DOCK8: variants seen among roughly 807,000 people sequenced by gnomAD.
DOCK8 encodes the protein dedicator of cytokinesis protein 8.
A neutral mutation model predicts 245.6 loss-of-function variants in DOCK8; 141 were observed. The ratio of observed to expected loss-of-function variants is 0.57; its 90% CI spans 0.50 to 0.66. The LOEUF is 0.66. Among genes scored for constraint, DOCK8 ranks in the 30% least tolerant of loss-of-function variants. DOCK8 has a pLI of 0.00. For missense variants in DOCK8, 2,965 were observed against 2,603.4 expected, an observed-to-expected ratio of 1.14 and a Z score of -3.02; for synonymous variants, 1,168 against 970.2, an observed-to-expected ratio of 1.20 and a Z score of -3.79.
At chr9:389,086 C>T (rs10973612) in intron 23 of DOCK8, among the ~76,000 whole-genome samples, 21 of 152,264 alleles carry the variant, frequency 1.4e-4, no homozygotes, top group Admixed American at 9.1e-4. Context: ...TCCCAGACAT[C>T]ATTTTTGGCA....
chr9:398,577 T>G (rs773025644), intron 25 of DOCK8, among the ~76,000 whole-genome samples: 4 of 152,140 alleles, frequency 2.6e-5, no homozygotes, highest in Non-Finnish European at 5.9e-5. Context: ...GCGTAGCTTA[T>G]TAATTGGGAT....
rs370735655 is a variant in DOCK8, at chr9:312,133, C to T, written c.708C>T (p.Ala236=). ...NEEARRTNRQ[A]ELFALYPSVD... Reference sequence around the variant, plus strand: ...AGGCCCGGAGGACCAATAGGCAGGCCGAGCTCTTTGCCCTTTACCCATCAG... The same window carrying T: ...AGGCCCGGAGGACCAATAGGCAGGCTGAGCTCTTTGCCCTTTACCCATCAG... The change falls in exon 6 of 48, where the codon GCC becomes GCT. Residue 236 remains alanine (A), a synonymous_variant. Transcript: ENST00000432829. 9.9e-6 allele frequency: 16 copies of T among 1,614,088 alleles called. No homozygotes were observed. The East Asian group carries it at 1.1e-4, about 11-fold the overall frequency.
At position 421,189 on chromosome 9, in the gene DOCK8, G is replaced by T. The variant is rs145719056; in HGVS notation, c.4153+111G>T. Reference sequence around the variant, plus strand: ...ACCATTACTTTCTTGAGATATTTACGGTAGTGTCAGAGACAGCGGATTCTG... The same window carrying T: ...ACCATTACTTTCTTGAGATATTTACTGTAGTGTCAGAGACAGCGGATTCTG... On this transcript the variant is annotated intron_variant, in intron 32 of 47. Transcript: ENST00000432829. The T allele has an allele frequency of 4.3e-5, 62 of 1,449,872 alleles. No individual in the cohort carries two copies. The East Asian group carries it at 5.5e-4, about 13-fold the overall frequency. The allele number at this position is 1,449,872 out of a possible 1,614,324, so 89.8% of individuals were successfully genotyped here.
chr9:369,224 G>A (rs747672103), intron 15 of DOCK8: 1 of 152,168 alleles, frequency 6.6e-6, no homozygotes, highest in Non-Finnish European at 1.5e-5. Flanking sequence ...AATGCAAGGT[G>A]TCTTAAGACA....
chr9:375,892 G>C (rs1411854092), intron 18 of DOCK8, among the ~76,000 whole-genome samples: 1 of 152,150 alleles, frequency 6.6e-6, no homozygotes, highest in Non-Finnish European at 1.5e-5. Flanking sequence ...CGCTACTCCA[G>C]AGACTGAGAC....
intron 1 of DOCK8, among the ~76,000 whole-genome samples, chr9:235,800 G>C (rs1359486314): frequency 2.0e-5 from 3 of 152,204 alleles, no homozygotes; most frequent in Admixed American, 2.0e-4. Flanking sequence ...GGTGCCGTCT[G>C]TCACCCTTTC....
At chr9:337,566 G>A (rs1476967251) in intron 12 of DOCK8, among the ~76,000 whole-genome samples, 2 of 152,150 alleles carry the variant, frequency 1.3e-5, no homozygotes, top group South Asian at 2.1e-4. Context: ...ACTGCTTGAT[G>A]TGCAAGTTTC....
At chr9:378,266 G>A (rs1468210438) in intron 20 of DOCK8, among the ~76,000 whole-genome samples, 1 of 152,216 alleles carries the variant, frequency 6.6e-6, no homozygotes, top group East Asian at 1.9e-4. Context: ...CCTTGAAGAA[G>A]GGATAGAGTG....
At position 341,580 on chromosome 9, in the gene DOCK8, A is replaced by T. The variant is rs548751336; in HGVS notation, c.1679+1259A>T. On this transcript the variant is annotated intron_variant, in intron 14 of 47. Coordinates refer to ENST00000432829, the MANE Select transcript of DOCK8 (RefSeq NM_203447.4). ...TTACCTCACCTCCTAGACTTTTATC[A>T]TCATGAAATTATGTATTTCCTATTT... 3.9e-5 allele frequency among the ~76,000 whole-genome samples: 6 copies of T among 152,304 alleles called. No homozygotes were observed. In the East Asian group the frequency reaches 1.2e-3, roughly 29 times the overall value.
chr9:400,638 C>T (rs1471229411), intron 26 of DOCK8, among the ~76,000 whole-genome samples: 1 of 106,550 alleles, frequency 9.4e-6, no homozygotes. Flanking sequence ...ACCACCACCT[C>T]CACCATCACC....
intron 1 of DOCK8, 29 bp downstream of exon 1, chr9:215,058 G>C (rs1488930499): frequency 1.3e-6 from 2 of 1,553,608 alleles, no homozygotes; most frequent in Non-Finnish European, 1.7e-6. Flanking sequence ...CGCGCAGGTT[G>C]CGGCCGGACA....
At chr9:342,478 GT>G (rs71314705) in intron 14 of DOCK8, among the ~76,000 whole-genome samples, 142,491 of 149,896 alleles carry the variant, frequency 0.95, 67,900 homozygotes, top group South Asian at 1. Context: ...TCGTTTTTTT[GT>G]TTTTTTTTGA....
intron 28 of DOCK8, among the ~76,000 whole-genome samples, chr9:410,757 A>G (rs1306117372): frequency 2.0e-5 from 3 of 152,230 alleles, no homozygotes; most frequent in Admixed American, 2.0e-4. Flanking sequence ...TAGAAAAACA[A>G]TCACGGAAAT....
intron 28 of DOCK8, among the ~76,000 whole-genome samples, chr9:413,054 T>C (rs377663652): frequency 6.6e-6 from 1 of 152,064 alleles, no homozygotes; most frequent in East Asian, 2.0e-4. Context: ...TTCTGACATA[T>C]GATAGACATA....
chr9:273,744 A>G (rs796355410), intron 2 of DOCK8, among the ~76,000 whole-genome samples: 5 of 150,974 alleles, frequency 3.3e-5, no homozygotes, highest in Admixed American at 1.3e-4. Context: ...CTGGAGTGCA[A>G]TGGCACCATC....
At chr9:343,366 G>C (rs932043156) in intron 14 of DOCK8, among the ~76,000 whole-genome samples, 3 of 151,950 alleles carry the variant, frequency 2.0e-5, no homozygotes, top group African/African-American at 7.3e-5. Context: ...GTGGTATTGT[G>C]CATCCCTGTA....
intron 18 of DOCK8, among the ~76,000 whole-genome samples, chr9:375,333 T>C (rs2053471522): frequency 6.6e-6 from 1 of 152,150 alleles, no homozygotes; most frequent in Non-Finnish European, 1.5e-5. Context: ...CAAGAAACTG[T>C]CTGTAAGACC....
chr9:302,695 C>T (rs1049564136), intron 4 of DOCK8, among the ~76,000 whole-genome samples: 4 of 152,096 alleles, frequency 2.6e-5, no homozygotes, highest in Non-Finnish European at 4.4e-5. Context: ...AGGACATGAA[C>T]AGATACTTCT....
intron 43 of DOCK8, among the ~76,000 whole-genome samples, chr9:444,860 A>G (rs997219649): frequency 1.3e-5 from 2 of 152,334 alleles, no homozygotes; most frequent in South Asian, 4.1e-4. Flanking sequence ...TCACATGTCC[A>G]TGAATGAGCT....
Sources: allele counts gnomAD v4.1 joint callset (sites outside exome capture counted in the v4.1 genomes callset), GRCh38; gene constraint gnomAD v4.1.1; transcripts MANE v1.5; gene names NCBI Gene and HGNC (gene_info 2026-07-23, HGNC 2026-07-21).